The following OSTF1 variants were observed in gnomAD, a reference collection of about 807,000 sequenced individuals.
OSTF1 encodes osteoclast-stimulating factor 1.
In OSTF1, 27 loss-of-function variants were observed where a neutral mutation model predicts 37.2. The ratio of observed to expected loss-of-function variants is 0.73; its 90% CI spans 0.54 to 1.00. The LOEUF is 1.00. OSTF1 is among the 50% of genes least tolerant of loss of function. The pLI, the probability that OSTF1 is intolerant of heterozygous loss-of-function variation, is 0.00. For synonymous variants in OSTF1, 82 were observed against 89.2 expected (o/e 0.92, Z 0.46); for missense variants, 232 against 253.8 (o/e 0.91, Z 0.58).
chr9:75,132,244 C>T (rs1825771867), intron 5 of OSTF1, among the ~76,000 whole-genome samples: 1 of 152,090 alleles, frequency 6.6e-6, no homozygotes, highest in Non-Finnish European at 1.5e-5. Context: ...ATGGAAGGGT[C>T]TGGTGGGTAC....
intron 1 of OSTF1, among the ~76,000 whole-genome samples, chr9:75,108,263 AAAAAG>A (rs562802156): frequency 5.1e-4 from 73 of 142,768 alleles, no homozygotes; most frequent in African/African-American, 1.7e-3. Flanking sequence ...TAATCAAAGA[AAAAAG>A]AAAAAGAAAA....
chr9:75,128,771 G>A (rs148947824), intron 3 of OSTF1, among the ~76,000 whole-genome samples: 2 of 150,820 alleles, frequency 1.3e-5, no homozygotes, highest in East Asian at 2.0e-4. Context: ...TGTTGCTAAC[G>A]GATTTTCAGC....
rs553438857 is a variant in OSTF1 at position 75,136,820 on chromosome 9, A to G, written c.409-718A>G. Among the ~76,000 whole-genome samples, 46 of 152,226 alleles carry G rather than the reference A, an allele frequency of 3.0e-4. No homozygotes were observed. The South Asian group carries it at 9.3e-3, about 31-fold the overall frequency. On this transcript the variant is annotated intron_variant, in intron 7 of 9. Coordinates refer to ENST00000346234, the MANE Select transcript of OSTF1 (RefSeq NM_012383.5). ...TTTGCTAGGTGACACCCAAATGCTA[A>G]TGAAAGTGACACTCCTTCCCTTCCC...
intron 9 of OSTF1, among the ~76,000 whole-genome samples, chr9:75,145,440 T>C (rs976530289): frequency 6.6e-6 from 1 of 152,222 alleles, no homozygotes; most frequent in African/African-American, 2.4e-5. Flanking sequence ...TGGTTGTCAC[T>C]CTTCCTGTGA....
At chr9:75,138,389 C>A (rs979619473) in intron 8 of OSTF1, among the ~76,000 whole-genome samples, 1 of 152,194 alleles carries the variant, frequency 6.6e-6, no homozygotes, top group Non-Finnish European at 1.5e-5. Flanking sequence ...ATGAGGATCA[C>A]TCTAGTGCCC....
chr9:75,109,921 C>A (rs893779417), intron 1 of OSTF1, among the ~76,000 whole-genome samples: 2 of 152,004 alleles, frequency 1.3e-5, no homozygotes, highest in African/African-American at 2.4e-5. Context: ...TTTTTTAGAG[C>A]AGTTTTAGTT....
intron 2 of OSTF1, among the ~76,000 whole-genome samples, chr9:75,123,445 A>C (rs1471765141): frequency 6.6e-6 from 1 of 152,200 alleles, no homozygotes; most frequent in Non-Finnish European, 1.5e-5. Flanking sequence ...AACAAAAAAC[A>C]AAAAACAAAG....
In OSTF1 at chr9:75,134,451, C is replaced by A. The variant is rs147166984; in HGVS notation, c.408+56C>A. ...ACATACCTGCTTGTTGTCTTTAGTA[C>A]AGAGCAACTCATGGGCATGTGAAGT... is the stretch of plus-strand genomic sequence containing the variant. On this transcript the variant is annotated intron_variant, in intron 7 of 9. Coordinates refer to ENST00000346234, the MANE Select transcript of OSTF1 (RefSeq NM_012383.5). 3 of 853,814 alleles carry A rather than the reference C, an allele frequency of 3.5e-6. No homozygotes were observed. The East Asian group carries it at 7.8e-5, about 22-fold the overall frequency. 52.9% of individuals were successfully genotyped at this position (853,814 alleles called of 1,614,324 possible).
intron 1 of OSTF1, among the ~76,000 whole-genome samples, chr9:75,105,709 T>C (rs866861641): frequency 9.9e-5 from 15 of 152,122 alleles, no homozygotes; most frequent in Non-Finnish European, 1.9e-4. Context: ...CAGACTGACA[T>C]TGGAAGCAGT....
intron 1 of OSTF1, among the ~76,000 whole-genome samples, chr9:75,094,975 G>A (rs1825046802): frequency 6.6e-6 from 1 of 152,162 alleles, no homozygotes; most frequent in African/African-American, 2.4e-5. Flanking sequence ...GAGCCTGGGA[G>A]GCCAAGATCG....
Position 75,138,452 on chromosome 9 carries a change from G to A in OSTF1, c.487+836G>A, listed in dbSNP as rs114282496. Among the ~76,000 whole-genome samples the A allele has an allele frequency of 7.2e-3, 1,093 of 152,216 alleles. 16 individuals carry two copies. The highest frequency in any genetic ancestry group is 0.023 in the African/African-American group (954 of 41,516). ...GCCTAATATGGCAGCCACTAGCCACGTGCACAACTGAGCCCTTTAAATGGG... is the reference window on the plus strand; with the variant it reads ...GCCTAATATGGCAGCCACTAGCCACATGCACAACTGAGCCCTTTAAATGGG... On this transcript the variant is annotated intron_variant, in intron 8 of 9. Transcript: ENST00000346234.
At chr9:75,138,237 A>T in intron 8 of OSTF1, among the ~76,000 whole-genome samples, 1 of 152,180 alleles carries the variant, frequency 6.6e-6, no homozygotes, top group East Asian at 1.9e-4. Context: ...ATCATGTAGG[A>T]TGCTTGAGTC....
intron 1 of OSTF1, among the ~76,000 whole-genome samples, chr9:75,092,819 C>CG (rs1252350719): frequency 6.6e-6 from 1 of 152,012 alleles, no homozygotes; most frequent in African/African-American, 2.4e-5. Context: ...AAAGGCTATA[C>CG]GGTATTGCCT....
intron 3 of OSTF1, among the ~76,000 whole-genome samples, 173 bp from the exon 4 acceptor site, chr9:75,130,405 C>G (rs908261071): frequency 2.0e-5 from 3 of 152,110 alleles, no homozygotes; most frequent in African/African-American, 7.2e-5. Context: ...TTATTTGTAA[C>G]TGAGTGGTAA....
At chr9:75,140,126 CGT>C (rs1376224602) in intron 8 of OSTF1, among the ~76,000 whole-genome samples, 1 of 152,118 alleles carries the variant, frequency 6.6e-6, no homozygotes, top group African/African-American at 2.4e-5. Context: ...CAGACCAATA[CGT>C]GTAGTACGAT....
At chr9:75,117,137 A>G (rs1415163877) in intron 1 of OSTF1, among the ~76,000 whole-genome samples, 1 of 152,220 alleles carries the variant, frequency 6.6e-6, no homozygotes, top group Non-Finnish European at 1.5e-5. Flanking sequence ...AATACATATA[A>G]TGTATAGTGA....
chr9:75,114,053 C>G (rs901479538), intron 1 of OSTF1, among the ~76,000 whole-genome samples: 2 of 151,978 alleles, frequency 1.3e-5, no homozygotes, highest in African/African-American at 4.8e-5. Flanking sequence ...TTTTGTCTCT[C>G]CATGCCTGGC....
chr9:75,138,133 T>G (rs2118614697), intron 8 of OSTF1, among the ~76,000 whole-genome samples: 1 of 152,340 alleles, frequency 6.6e-6, no homozygotes, highest in East Asian at 1.9e-4. Flanking sequence ...ATTTATAAAC[T>G]GACTATCCCT....
At chr9:75,139,822 A>G (rs1476749193) in intron 8 of OSTF1, among the ~76,000 whole-genome samples, 1 of 152,236 alleles carries the variant, frequency 6.6e-6, no homozygotes. Context: ...ACTAGTATGA[A>G]AAGCAATCTG....
Sources: gnomAD v4.1 joint callset for allele counts (sites outside exome capture counted in the v4.1 genomes callset) on GRCh38, gnomAD v4.1.1 for gene constraint, MANE v1.5 for transcripts, NCBI Gene and HGNC (gene_info 2026-07-23, HGNC 2026-07-21) for gene names.